Variants in SEMA6D observed in about 807,000 individuals in gnomAD.
The protein encoded by SEMA6D is semaphorin 6D.
SEMA6D carries 35 observed loss-of-function variants against 106.6 expected under a neutral mutation model. The observed-to-expected ratio is 0.33, with a 90% CI of 0.25 to 0.44. SEMA6D has a LOEUF of 0.44. Ranked by LOEUF, SEMA6D falls within the 20% of genes least tolerant of loss-of-function variation. The pLI is 1.00. For missense variants in SEMA6D, 1,185 were observed against 1,345.9 expected, an observed-to-expected ratio of 0.88 and a Z score of 1.87; for synonymous variants, 499 against 487.7, an observed-to-expected ratio of 1.02 and a Z score of -0.31.
intron 3 of SEMA6D, among the ~76,000 whole-genome samples, chr15:47,506,599 A>AAC (rs61155774): frequency 0.025 from 3,461 of 137,828 alleles, 55 homozygotes; most frequent in African/African-American, 0.038. Flanking sequence ...CACACACACA[A>AAC]ACACACACAC....
intron 3 of SEMA6D, among the ~76,000 whole-genome samples, chr15:47,551,069 C>T (rs1227821749): frequency 3.9e-5 from 6 of 152,254 alleles, no homozygotes; most frequent in East Asian, 1.9e-4. Flanking sequence ...TATCGATAAG[C>T]TTTGCACCTG....
intron 2 of SEMA6D, 124 bp downstream of exon 2, chr15:47,760,031 T>G: frequency 1.3e-6 from 1 of 775,044 alleles, no homozygotes; most frequent in Non-Finnish European, 2.1e-6. Flanking sequence ...AATTTGCATC[T>G]GAGTTTATCA....
intron 3 of SEMA6D, among the ~76,000 whole-genome samples, chr15:47,492,679 A>G (rs1354786434): frequency 2.6e-5 from 4 of 152,296 alleles, no homozygotes; most frequent in African/African-American, 9.6e-5. Context: ...TTGGAATGCC[A>G]TATTCTGTAT....
At chr15:47,506,869 C>T (rs1288948284) in intron 3 of SEMA6D, among the ~76,000 whole-genome samples, 15 of 152,090 alleles carry the variant, frequency 9.9e-5, no homozygotes, top group Admixed American at 9.2e-4. Flanking sequence ...ATCCAGACAG[C>T]GACTGCAACA....
chr15:47,216,727 AT>A (rs2030654328), intron 1 of SEMA6D, among the ~76,000 whole-genome samples: 1 of 152,164 alleles, frequency 6.6e-6, no homozygotes, highest in African/African-American at 2.4e-5. Flanking sequence ...AATACAAACA[AT>A]TCACATAAGT....
intron 4 of SEMA6D, among the ~76,000 whole-genome samples, chr15:47,684,900 G>A (rs72735837): frequency 0.056 from 8,549 of 152,138 alleles, 286 homozygotes; most frequent in African/African-American, 0.074. Flanking sequence ...TATACGCCAG[G>A]CTCAATGCCA....
chr15:47,730,311 C>T, intron 1 of SEMA6D: 1 of 1,514,186 alleles, frequency 6.6e-7, no homozygotes, highest in Non-Finnish European at 9.1e-7. Flanking sequence ...GCGCCTTTGT[C>T]TTCCGAGTTC....
At chr15:47,426,105 G>C (rs912777555) in intron 2 of SEMA6D, among the ~76,000 whole-genome samples, 1 of 151,942 alleles carries the variant, frequency 6.6e-6, no homozygotes, top group African/African-American at 2.4e-5. Context: ...TTTTTGATAG[G>C]TTTCCAAATT....
In SEMA6D at chr15:47,581,063, A is replaced by G. The variant is rs2076246258; in HGVS notation, c.-86-19802A>G. ...TCCATTTTCACATAATCCTTGTTCT[A>G]TCGCATTACAATCACTCACAGGCTG... On this transcript the variant is annotated intron_variant, in intron 3 of 19. Transcript: ENST00000558014. 2.0e-5 allele frequency among the ~76,000 whole-genome samples: 3 copies of G among 152,150 alleles called. 1 individual carries two copies. In the South Asian group the frequency reaches 6.2e-4, roughly 32 times the overall value.
chr15:47,683,369 G>C (rs559742643), intron 4 of SEMA6D, among the ~76,000 whole-genome samples: 1 of 152,252 alleles, frequency 6.6e-6, no homozygotes, highest in Admixed American at 6.5e-5. Context: ...CTCCATCAGT[G>C]TTGCTGCAAA....
At chr15:47,753,020 A>G (rs1235082510) in intron 1 of SEMA6D, among the ~76,000 whole-genome samples, 1 of 152,018 alleles carries the variant, frequency 6.6e-6, no homozygotes, top group Non-Finnish European at 1.5e-5. Flanking sequence ...AAAAAAAAAT[A>G]AGCACATGGG....
intron 1 of SEMA6D, among the ~76,000 whole-genome samples, chr15:47,400,081 GC>G (rs1464208656): frequency 6.6e-6 from 1 of 152,160 alleles, no homozygotes; most frequent in Admixed American, 6.5e-5. Flanking sequence ...GTTCAAGTTA[GC>G]CCTATGAAAT....
chr15:47,642,850 A>G (rs2077513468), intron 4 of SEMA6D, among the ~76,000 whole-genome samples: 1 of 152,118 alleles, frequency 6.6e-6, no homozygotes, highest in Non-Finnish European at 1.5e-5. Flanking sequence ...TGTTTTGGAA[A>G]GTGGTGGAGC....
At chr15:47,758,741 A>G (rs763527936) in intron 1 of SEMA6D, among the ~76,000 whole-genome samples, 1 of 152,162 alleles carries the variant, frequency 6.6e-6, no homozygotes, top group African/African-American at 2.4e-5. Flanking sequence ...GTTTTTTGTA[A>G]TGCTCTATAT....
chr15:47,431,590 G>T (rs1415746093), intron 2 of SEMA6D, among the ~76,000 whole-genome samples: 1 of 152,086 alleles, frequency 6.6e-6, no homozygotes, highest in Non-Finnish European at 1.5e-5. Context: ...AGATAGGGTT[G>T]ACTGGCAGAA....
intron 1 of SEMA6D, among the ~76,000 whole-genome samples, chr15:47,750,301 C>G (rs2081359110): frequency 6.6e-6 from 1 of 152,190 alleles, no homozygotes; most frequent in Non-Finnish European, 1.5e-5. Flanking sequence ...AAGTAGGAAT[C>G]CCTCTAGCCA....
chr15:47,318,080 G>A (rs532064480), intron 1 of SEMA6D, among the ~76,000 whole-genome samples: 95 of 121,630 alleles, frequency 7.8e-4, no homozygotes, highest in East Asian at 4.2e-3. Flanking sequence ...TTTACTTCCC[G>A]ATTGGCCTTC....
chr15:47,248,125 C>T (rs1266950204), intron 1 of SEMA6D, among the ~76,000 whole-genome samples: 1 of 152,158 alleles, frequency 6.6e-6, no homozygotes, highest in Non-Finnish European at 1.5e-5. Flanking sequence ...GCCATGAACC[C>T]AGTGGAACCC....
intron 3 of SEMA6D, among the ~76,000 whole-genome samples, chr15:47,555,133 G>GA: frequency 6.6e-6 from 1 of 152,240 alleles, no homozygotes; most frequent in South Asian, 2.1e-4. Context: ...ACTTCCCCAG[G>GA]AGGATGTTGA....
Sources: allele counts gnomAD v4.1 joint callset (sites outside exome capture counted in the v4.1 genomes callset), GRCh38; gene constraint gnomAD v4.1.1; transcripts MANE v1.5; gene names NCBI Gene and HGNC (gene_info 2026-07-23, HGNC 2026-07-21).